ITPR2: variants seen among roughly 807,000 people sequenced by gnomAD.
The protein encoded by ITPR2 is inositol 1,4,5-trisphosphate receptor type 2, also known as inositol 1,4,5-trisphosphate-gated calcium channel ITPR2.
A neutral mutation model predicts 317.1 loss-of-function variants in ITPR2; 207 were observed. That is an observed-to-expected ratio of 0.65 (90% CI 0.58 to 0.73). The LOEUF is 0.73. Among genes scored for constraint, ITPR2 ranks in the 30% least tolerant of loss-of-function variants. The pLI is 0.00. For missense variants in ITPR2, 2,613 were observed against 3,284.0 expected (o/e 0.80, Z 4.99); for synonymous variants, 1,156 against 1,149.1 (o/e 1.01, Z -0.12).
At chr12:26,471,707 C>T (rs189855429) in intron 45 of ITPR2, among the ~76,000 whole-genome samples, 1 of 152,256 alleles carries the variant, frequency 6.6e-6, no homozygotes, top group African/African-American at 2.4e-5. Flanking sequence ...AAACTGTCTG[C>T]ACAAAAGATG....
At chr12:26,589,845 T>TACACAC (rs1466255148) in intron 32 of ITPR2, among the ~76,000 whole-genome samples, 1 of 29,294 alleles carries the variant, frequency 3.4e-5, no homozygotes, top group African/African-American at 1.2e-4. Context: ...TATATATATA[T>TACACAC]ATATATATAC....
In ITPR2 at chr12:26,339,481, C is replaced by T. The variant is rs1351040818; in HGVS notation, c.8022G>A (p.Met2674Ile). The T allele has an allele frequency of 1.2e-6, 2 of 1,613,418 alleles. No individual in the cohort carries two copies. Among genetic ancestry groups the T allele is most frequent in the Non-Finnish European group, 1.7e-6 (2 of 1,179,516 alleles). Reference protein sequence around the residue: ...SGQLAELKEQMTEQRKNKQRL... With the variant: ...SGQLAELKEQITEQRKNKQRL... The stretch of plus-strand genomic sequence containing the variant: ...TCTGCTTATTCTTCCTTTGTTCTGT[C>T]ATCTGGGGGAAAAGAGAGAGTGTGT... The change falls in exon 57 of 57, where the codon ATG (methionine) becomes ATA (isoleucine). Residue 2674 changes from methionine to isoleucine, a missense_variant and splice_region_variant. Met to Ile is a conservative substitution (Grantham distance 10). Transcript: ENST00000381340.
At chr12:26,663,899 C>CTT in intron 14 of ITPR2, 53 bp from the exon 15 acceptor site, 10 of 1,217,616 alleles carry the variant, frequency 8.2e-6, no homozygotes, top group Non-Finnish European at 1.1e-5. Flanking sequence ...GTTTTGCAAC[C>CTT]TTTTTTTTTT....
intron 2 of ITPR2, among the ~76,000 whole-genome samples, chr12:26,747,420 C>T (rs1949342446): frequency 6.6e-6 from 1 of 152,228 alleles, no homozygotes; most frequent in Non-Finnish European, 1.5e-5. Context: ...TTACAAAGAA[C>T]TATTTAAAAC....
intron 34 of ITPR2, among the ~76,000 whole-genome samples, chr12:26,567,361 T>C (rs558082021): frequency 6.6e-6 from 1 of 152,234 alleles, no homozygotes; most frequent in African/African-American, 2.4e-5. Flanking sequence ...GCCAGCACCA[T>C]GGACAAACCA....
chr12:26,656,657 A>G (rs1947374635), intron 18 of ITPR2, 109 bp from the exon 19 acceptor site: 2 of 1,130,846 alleles, frequency 1.8e-6, no homozygotes, highest in Non-Finnish European at 2.5e-6. Context: ...CCAAGCATTC[A>G]TGATATTGGA....
At chr12:26,422,556 T>C (rs142617432) in intron 49 of ITPR2, among the ~76,000 whole-genome samples, 64 of 152,300 alleles carry the variant, frequency 4.2e-4, no homozygotes, top group African/African-American at 1.4e-3. Context: ...TTCTCACATA[T>C]AAAATGAAAT....
intron 13 of ITPR2, among the ~76,000 whole-genome samples, chr12:26,680,626 A>C (rs909716769): frequency 2.6e-5 from 4 of 152,226 alleles, no homozygotes; most frequent in Non-Finnish European, 5.9e-5. Flanking sequence ...GATTTATCAG[A>C]GAATGTTGTG....
At chr12:26,652,612 G>A (rs1947282695) in intron 21 of ITPR2, among the ~76,000 whole-genome samples, 1 of 152,122 alleles carries the variant, frequency 6.6e-6, no homozygotes, top group African/African-American at 2.4e-5. Flanking sequence ...CTCTCACTAG[G>A]CCAGACTCTT....
Position 26,475,331 on chromosome 12 carries a change from C to G in ITPR2, c.6307G>C (p.Asp2103His), listed in dbSNP as rs1427403705. ...EGGDDGVSPK[D>H]VGHNIYILAH... ...AGAATATAGATATTGTGTCCAACAT[C>G]TTTTGGAGAAACACCATCATCTCCA... Residue 2103 changes from aspartate to histidine, a missense_variant, in exon 45 of 57, where the codon GAT (aspartate) becomes CAT (histidine). Coordinates refer to ENST00000381340, the MANE Select transcript of ITPR2 (RefSeq NM_002223.4). The G allele has an allele frequency of 3.1e-6, 5 of 1,613,908 alleles. No individual in the cohort carries two copies. The highest frequency in any genetic ancestry group is 4.2e-6 in the Non-Finnish European group (5 of 1,179,940).
At chr12:26,661,696 T>C (rs374696600) in intron 15 of ITPR2, among the ~76,000 whole-genome samples, 28 of 152,204 alleles carry the variant, frequency 1.8e-4, no homozygotes, top group East Asian at 1.4e-3. Flanking sequence ...ACGGGTGAAG[T>C]GGTGACCAGT....
At chr12:26,623,371 G>A (rs972850166) in intron 24 of ITPR2, 4 of 152,148 alleles carry the variant, frequency 2.6e-5, no homozygotes, top group African/African-American at 9.7e-5. Flanking sequence ...CAGTCATCAG[G>A]TGACTGCTGC....
chr12:26,538,767 G>A lies in ITPR2; in HGVS notation c.5073+11480C>T, dbSNP rs572820590. Among the ~76,000 whole-genome samples the A allele has an allele frequency of 5.7e-3, 866 of 151,670 alleles. 11 individuals carry two copies. The highest frequency in any genetic ancestry group is 0.02 in the African/African-American group (825 of 41,244). Reference sequence around the variant, plus strand: ...AATTTTTGTGTTTTTAGTAGATACAGGGTTTCACCGTGCTGGCCAGGCTGG... The same window carrying A: ...AATTTTTGTGTTTTTAGTAGATACAAGGTTTCACCGTGCTGGCCAGGCTGG... On this transcript the variant is annotated intron_variant, in intron 37 of 56. Coordinates refer to ENST00000381340, the MANE Select transcript of ITPR2 (RefSeq NM_002223.4).
At position 26,556,343 on chromosome 12, in the gene ITPR2, G is replaced by A. The variant is rs781382995; in HGVS notation, c.4854C>T (p.Ser1618=). 4 of 1,613,868 alleles carry A rather than the reference G, an allele frequency of 2.5e-6. No individual in the cohort carries two copies. The highest frequency in any genetic ancestry group is 1.3e-5 in the African/African-American group (1 of 75,012). Residue 1618 remains serine, a synonymous_variant, in exon 36 of 57, where the codon AGC becomes AGT. Transcript: ENST00000381340. The part of the protein sequence containing the change: ...DVVASLEHQF[S]PMMQAEFSVL... ...CTGAGAATTCAGCCTGCATCATTGG[G>A]CTGAACTGGTGCTCCAAGGAGGCCA... is the stretch of plus-strand genomic sequence containing the variant.
intron 1 of ITPR2, among the ~76,000 whole-genome samples, chr12:26,790,660 T>TTAA (rs1950327046): frequency 6.7e-6 from 1 of 150,070 alleles, no homozygotes; most frequent in Non-Finnish European, 1.5e-5. Flanking sequence ...CAGCAAAACA[T>TTAA]TAAGAGTGGT....
chr12:26,532,084 A>C (rs1407535875), intron 37 of ITPR2, among the ~76,000 whole-genome samples: 1 of 152,246 alleles, frequency 6.6e-6, no homozygotes, highest in African/African-American at 2.4e-5. Flanking sequence ...ATACTATGAC[A>C]TGAGTCATTT....
intron 39 of ITPR2, among the ~76,000 whole-genome samples, chr12:26,490,521 C>T (rs774763464): frequency 2.0e-5 from 3 of 152,154 alleles, no homozygotes; most frequent in Non-Finnish European, 2.9e-5. Flanking sequence ...CAAAATAAAG[C>T]GGCAGAAATG....
chr12:26,470,204 G>A (rs1322110283), intron 45 of ITPR2, among the ~76,000 whole-genome samples: 36 of 152,156 alleles, frequency 2.4e-4, no homozygotes, highest in Admixed American at 2.3e-3. Flanking sequence ...ATGGATTGCT[G>A]TTACACTAAA....
At chr12:26,413,711 C>T (rs1390829392) in intron 51 of ITPR2, among the ~76,000 whole-genome samples, 1 of 152,016 alleles carries the variant, frequency 6.6e-6, no homozygotes, top group East Asian at 1.9e-4. Context: ...TATTGAACAG[C>T]ATTCTATATG....
Sources: allele counts gnomAD v4.1 joint callset (sites outside exome capture counted in the v4.1 genomes callset), GRCh38; gene constraint gnomAD v4.1.1; transcripts MANE v1.5; gene names NCBI Gene and HGNC (gene_info 2026-07-23, HGNC 2026-07-21).